AGAP1: variants seen among roughly 807,000 people sequenced by gnomAD.
AGAP1 encodes the protein arf-GAP with GTPase, ANK repeat and PH domain-containing protein 1.
AGAP1 carries 29 observed loss-of-function variants against 105.3 expected under a neutral mutation model. That is an observed-to-expected ratio of 0.28 (90% CI 0.21 to 0.38). The LOEUF (loss-of-function observed/expected upper bound fraction) is 0.38, where lower values mean the gene tolerates loss of function less well. AGAP1 is among the 10% of genes least tolerant of loss of function. The pLI, the probability that AGAP1 is intolerant of heterozygous loss-of-function variation, is 1.00. For missense variants in AGAP1, 998 were observed against 1,165.1 expected (o/e 0.86, Z 2.09); for synonymous variants, 509 against 485.9 (o/e 1.05, Z -0.63).
chr2:235,900,702 C>T lies in AGAP1; in HGVS notation c.1156-8036C>T, dbSNP rs1575734329. Among the ~76,000 whole-genome samples the T allele has an allele frequency of 6.6e-6, 1 of 152,112 alleles. No individual in the cohort carries two copies. The highest frequency in any genetic ancestry group is 1.5e-5 in the Non-Finnish European group (1 of 68,034). The stretch of plus-strand genomic sequence containing the variant: ...AGGCCATTCCACCATTCTATTAATC[C>T]AGCTGCTTCAGGATGATGGGGAACA... On this transcript the variant is annotated intron_variant, in intron 10 of 17. Transcript: ENST00000304032. This position sits in a 1 kb window ranked among gnomAD's most constrained non-coding sequence, Gnocchi z 5.5.
In AGAP1 at chr2:236,124,420, T is replaced by G; in HGVS notation, c.*298T>G. The G allele has an allele frequency of 4.7e-6, 2 of 421,352 alleles. No individual in the cohort carries two copies. The highest frequency in any genetic ancestry group is 8.7e-6 in the Non-Finnish European group (2 of 229,622). The allele number at this position is 421,352 out of a possible 1,614,324, so 26.1% of individuals were successfully genotyped here. On this transcript the variant is annotated 3_prime_UTR_variant, in exon 18 of 18. Transcript: ENST00000304032. This position sits in a 1 kb window ranked among gnomAD's most constrained non-coding sequence, Gnocchi z 5.1. ...GATGATAGCACATGGCGCAGGACCC[T>G]TGTCCTGGTGGCACAAGGGATGGGG...
chr2:235,718,456 T>G, intron 3 of AGAP1: 1 of 932,330 alleles, frequency 1.1e-6, no homozygotes, highest in Non-Finnish European at 1.3e-6. Flanking sequence ...AAGGCACCAC[T>G]TTGTACTGTA....
At position 235,551,025 on chromosome 2, in the gene AGAP1, C is replaced by T. The variant is rs772173385; in HGVS notation, c.163+56176C>T. Among the ~76,000 whole-genome samples, 2 of 152,144 alleles carry T rather than the reference C, an allele frequency of 1.3e-5. No homozygotes were observed. The highest frequency in any genetic ancestry group is 2.9e-5 in the Non-Finnish European group (2 of 68,038). ...CTGGCCTCAAGTGATCCACCCACCT[C>T]GGCCTCTGAAAGTGCTGGGATTACA... On this transcript the variant is annotated intron_variant, in intron 1 of 17. Transcript: ENST00000304032. The surrounding 1 kb of genome is among the most constrained non-coding windows in gnomAD (Gnocchi z 4.8).
chr2:235,698,196 G>A (rs990682465), intron 1 of AGAP1, among the ~76,000 whole-genome samples: 13 of 152,222 alleles, frequency 8.5e-5, no homozygotes, highest in South Asian at 4.2e-4. Context: ...TAATGCCGCC[G>A]CTGATATGAC....
chr2:235,958,658 A>T lies in AGAP1; in HGVS notation c.1484-9804A>T, dbSNP rs1279568986. ...TCGATATGGCATCTTGTCAGCAGAG[A>T]TAAGTTGTCACGTTTTCCACTTGAG... On this transcript the variant is annotated intron_variant, in intron 12 of 17. Transcript: ENST00000304032. This position sits in a 1 kb window ranked among gnomAD's most constrained non-coding sequence, Gnocchi z 4.1. 6.6e-6 allele frequency among the ~76,000 whole-genome samples: 1 copy of T among 152,176 alleles called. No individual in the cohort carries two copies. The highest frequency in any genetic ancestry group is 1.5e-5 in the Non-Finnish European group (1 of 68,046).
At chr2:235,638,506 C>T (rs1226783165) in intron 1 of AGAP1, among the ~76,000 whole-genome samples, 2 of 152,200 alleles carry the variant, frequency 1.3e-5, no homozygotes, top group Non-Finnish European at 2.9e-5. Context: ...TGTTATTTCA[C>T]TTTATTAAGT....
chr2:235,779,617 C>T (rs1240597486), intron 6 of AGAP1, among the ~76,000 whole-genome samples: 2 of 152,220 alleles, frequency 1.3e-5, no homozygotes, highest in Non-Finnish European at 2.9e-5. Flanking sequence ...ATGGCAGTAC[C>T]GCCCTGGCTA....
chr2:235,861,760 G>A (rs2048935949), intron 9 of AGAP1, among the ~76,000 whole-genome samples: 1 of 152,182 alleles, frequency 6.6e-6, no homozygotes, highest in Non-Finnish European at 1.5e-5. Context: ...CTGCTTATCA[G>A]GGGATTGATT....
rs1442923013 is a variant in AGAP1 at position 236,096,673 on chromosome 2, G to A, written c.2115-23519G>A. 6.6e-6 allele frequency among the ~76,000 whole-genome samples: 1 copy of A among 151,850 alleles called. No individual in the cohort carries two copies. The highest frequency in any genetic ancestry group is 1.5e-5 in the Non-Finnish European group (1 of 67,946). On this transcript the variant is annotated intron_variant, in intron 16 of 17. Transcript: ENST00000304032. The surrounding 1 kb of genome is among the most constrained non-coding windows in gnomAD (Gnocchi z 4.4). ...ATCTCACTGCAACCTCTGCCTCCCCGGTTCAAGTGATTCTTCTGCCTCGGC... is the reference window on the plus strand; with the variant it reads ...ATCTCACTGCAACCTCTGCCTCCCCAGTTCAAGTGATTCTTCTGCCTCGGC...
intron 9 of AGAP1, among the ~76,000 whole-genome samples, chr2:235,870,737 A>G (rs569861170): frequency 6.6e-6 from 1 of 152,300 alleles, no homozygotes; most frequent in African/African-American, 2.4e-5. Context: ...CTCTGGGCAT[A>G]AGAACTGTAT....
In AGAP1 at chr2:235,934,440, C is replaced by A. The variant is rs776111613; in HGVS notation, c.1483+3517C>A. The stretch of plus-strand genomic sequence containing the variant: ...GTCCCTCTGGTTCGCGTCATTCCCC[C>A]CTTTAGTGTGCTGCTTCGTCAAGTG... On this transcript the variant is annotated intron_variant, in intron 12 of 17. Coordinates refer to ENST00000304032, the MANE Select transcript of AGAP1 (RefSeq NM_001037131.3). The surrounding 1 kb of genome is among the most constrained non-coding windows in gnomAD (Gnocchi z 4.9). Among the ~76,000 whole-genome samples, 2 of 152,164 alleles carry A rather than the reference C, an allele frequency of 1.3e-5. No individual in the cohort carries two copies. Among genetic ancestry groups the A allele is most frequent in the Admixed American group, 6.5e-5 (1 of 15,272 alleles).
Position 235,958,719 on chromosome 2 carries a change from T to A in AGAP1, c.1484-9743T>A, listed in dbSNP as rs2054052673. 6.6e-6 allele frequency among the ~76,000 whole-genome samples: 1 copy of A among 152,172 alleles called. No individual in the cohort carries two copies. The highest frequency in any genetic ancestry group is 1.5e-5 in the Non-Finnish European group (1 of 68,032). Reference sequence around the variant, plus strand: ...ATGATTGTAAAATAAGTTATGAGTGTCCTTGGGCCTGTCTGCCGGAATGAT... The same window carrying A: ...ATGATTGTAAAATAAGTTATGAGTGACCTTGGGCCTGTCTGCCGGAATGAT... On this transcript the variant is annotated intron_variant, in intron 12 of 17. Coordinates refer to ENST00000304032, the MANE Select transcript of AGAP1 (RefSeq NM_001037131.3). The surrounding 1 kb of genome is among the most constrained non-coding windows in gnomAD (Gnocchi z 4.1).
At chr2:235,785,376 CTG>C (rs774797553) in intron 6 of AGAP1, among the ~76,000 whole-genome samples, 1 of 152,156 alleles carries the variant, frequency 6.6e-6, no homozygotes, top group South Asian at 2.1e-4. Flanking sequence ...ATTAATCAAA[CTG>C]TGTTAATTTT....
At chr2:235,806,326 GCA>G (rs1957831774) in intron 8 of AGAP1, among the ~76,000 whole-genome samples, 1 of 152,174 alleles carries the variant, frequency 6.6e-6, no homozygotes, top group African/African-American at 2.4e-5. Context: ...TCACTTGTCA[GCA>G]CAGTTATTAA....
chr2:235,995,597 T>C (rs1454942729), intron 13 of AGAP1, among the ~76,000 whole-genome samples: 2 of 152,214 alleles, frequency 1.3e-5, no homozygotes, highest in East Asian at 1.9e-4. Context: ...ACATTCACCG[T>C]GCACGGCAGC....
chr2:235,927,208 T>C lies in AGAP1; in HGVS notation c.1325-3557T>C, dbSNP rs779235580. The stretch of plus-strand genomic sequence containing the variant: ...GCTATAGGGCTCTAAGAGTCTGCCG[T>C]CAGAAGGATTGTGGATAGCTGGTCT... On this transcript the variant is annotated intron_variant, in intron 11 of 17. Coordinates refer to ENST00000304032, the MANE Select transcript of AGAP1 (RefSeq NM_001037131.3). The surrounding 1 kb of genome is among the most constrained non-coding windows in gnomAD (Gnocchi z 4.4). Among the ~76,000 whole-genome samples the C allele has an allele frequency of 2.4e-4, 37 of 152,184 alleles. No homozygotes were observed. Among genetic ancestry groups the C allele is most frequent in the Non-Finnish European group, 3.7e-4 (25 of 68,002 alleles).
intron 1 of AGAP1, among the ~76,000 whole-genome samples, chr2:235,498,761 T>A (rs1384726252): frequency 6.6e-6 from 1 of 152,186 alleles, no homozygotes; most frequent in African/African-American, 2.4e-5. Flanking sequence ...AAGGTTGGCC[T>A]TCCTCTGAGG....
chr2:235,922,042 G>A (rs1205771234), intron 11 of AGAP1, among the ~76,000 whole-genome samples: 1 of 152,232 alleles, frequency 6.6e-6, no homozygotes, highest in African/African-American at 2.4e-5. Flanking sequence ...GACTGTTAAC[G>A]TCGCCTCCTT....
chr2:235,629,308 GTGTGTGTGTGTA>G (rs1262869278), intron 1 of AGAP1, among the ~76,000 whole-genome samples: 34 of 121,110 alleles, frequency 2.8e-4, no homozygotes, highest in South Asian at 8.2e-4. Context: ...GTGTGTGTGT[GTGTGTGTGTGTA>G]TGTGTATACA....
Sources: gnomAD v4.1 joint callset for allele counts (sites outside exome capture counted in the v4.1 genomes callset) on GRCh38, gnomAD v4.1.1 for gene constraint, Gnocchi (gnomAD v3.1) non-coding constraint, MANE v1.5 for transcripts, NCBI Gene and HGNC (gene_info 2026-07-23, HGNC 2026-07-21) for gene names.